Variants in SP100 observed in about 807,000 individuals in gnomAD.
The protein encoded by SP100 is SP100 nuclear body protein, also known as nuclear autoantigen Sp-100.
SP100 carries 84 observed loss-of-function variants against 130.0 expected under a neutral mutation model. That is an observed-to-expected ratio of 0.65 (90% confidence interval 0.54 to 0.77). SP100 has a LOEUF of 0.77. SP100 is among the 30% of genes least tolerant of loss of function. SP100 has a pLI of 0.00. For synonymous variants in SP100, 331 were observed against 351.7 expected (o/e 0.94, Z 0.66); for missense variants, 978 against 1,052.2 (o/e 0.93, Z 0.97).
chr2:230,460,230 T>C (rs554120745), intron 8 of SP100, among the ~76,000 whole-genome samples: 27 of 152,262 alleles, frequency 1.8e-4, no homozygotes, highest in African/African-American at 6.0e-4. Flanking sequence ...AGAAGCCAAA[T>C]GCTTGAAATT....
At chr2:230,425,898 G>A (rs141343406) in intron 2 of SP100, among the ~76,000 whole-genome samples, 1,701 of 151,750 alleles carry the variant, frequency 0.011, 27 homozygotes, top group African/African-American at 0.038. Flanking sequence ...TTTCTTTAAT[G>A]GAAAGTTGTT....
In SP100 at chr2:230,536,740, C is replaced by T. The variant is rs183001788; in HGVS notation, c.2095-2527C>T. ...CTCTCATCCCCTTGGCTGCAGCACCCGACTAAAGCCTTCTTGCTTGGCAAT... is the reference window on the plus strand; with the variant it reads ...CTCTCATCCCCTTGGCTGCAGCACCTGACTAAAGCCTTCTTGCTTGGCAAT... On this transcript the variant is annotated intron_variant, in intron 24 of 28. Coordinates refer to ENST00000340126, the MANE Select transcript of SP100 (RefSeq NM_001080391.2). Among the ~76,000 whole-genome samples, 213 of 98,750 alleles carry T rather than the reference C, an allele frequency of 2.2e-3. 2 individuals carry two copies. The highest frequency in any genetic ancestry group is 4.3e-3 in the African/African-American group (146 of 34,162). The allele number at this position is 98,750 out of a possible 152,430, so 64.8% of individuals were successfully genotyped here. A position where few individuals can be genotyped will look rare whatever the true frequency, so the allele number is the denominator to read the frequency against.
intron 2 of SP100, among the ~76,000 whole-genome samples, chr2:230,431,937 A>T (rs902062414): frequency 7.2e-5 from 11 of 152,278 alleles, no homozygotes; most frequent in African/African-American, 2.4e-4. Flanking sequence ...TGTGTATCTC[A>T]ATGATTTTTA....
At chr2:230,466,184 CAAA>C (rs57983447) in intron 11 of SP100, 114 bp from the exon 12 acceptor site, 297 of 257,878 alleles carry the variant, frequency 1.2e-3, no homozygotes, top group Middle Eastern at 2.4e-3. Flanking sequence ...GACTCCATCT[CAAA>C]AAAAAAAAAA....
At chr2:230,523,570 A>AT (rs1691276088) in intron 24 of SP100, among the ~76,000 whole-genome samples, 1 of 152,330 alleles carries the variant, frequency 6.6e-6, no homozygotes, top group African/African-American at 2.4e-5. Context: ...TTTCAAGTTC[A>AT]TATGACTTAA....
intron 4 of SP100, among the ~76,000 whole-genome samples, chr2:230,445,255 G>A (rs56007282): frequency 0.16 from 24,656 of 152,016 alleles, 2,107 homozygotes; most frequent in Non-Finnish European, 0.19. Context: ...TTCCCACACA[G>A]TTTAATCTCA....
intron 23 of SP100, chr2:230,509,740 T>C (rs1374760444): frequency 6.6e-6 from 1 of 152,210 alleles, no homozygotes; most frequent in African/African-American, 2.4e-5. Flanking sequence ...ATAAGTTTTT[T>C]GTTAAACCTG....
At chr2:230,522,740 G>A (rs546097274) in intron 24 of SP100, among the ~76,000 whole-genome samples, 4 of 151,456 alleles carry the variant, frequency 2.6e-5, no homozygotes, top group Admixed American at 1.3e-4. Flanking sequence ...TGCCTGCCTC[G>A]GCCTCCCAAA....
chr2:230,470,824 C>T (rs1046867984), intron 15 of SP100, among the ~76,000 whole-genome samples: 2 of 152,024 alleles, frequency 1.3e-5, no homozygotes, highest in African/African-American at 2.4e-5. Flanking sequence ...AAAGAAGATG[C>T]GCAAGGAACT....
Position 230,467,086 on chromosome 2 carries a change from G to A in SP100, c.1196-34G>A, listed in dbSNP as rs778404015. On this transcript the variant is annotated intron_variant, in intron 12 of 28. Coordinates refer to ENST00000340126, the MANE Select transcript of SP100 (RefSeq NM_001080391.2). ...TGACTTGGTTCCCTTATCATACATT[G>A]AGAGCTCCAAAGGACATTTGCTCCT... The A allele has an allele frequency of 6.3e-6, 9 of 1,429,994 alleles. No homozygotes were observed. In the South Asian group the frequency reaches 6.9e-5, roughly 11 times the overall value. The allele number at this position is 1,429,994 out of a possible 1,614,324, so 88.6% of individuals were successfully genotyped here.
intron 2 of SP100, among the ~76,000 whole-genome samples, chr2:230,431,121 T>C (rs1226552876): frequency 6.6e-6 from 1 of 152,192 alleles, no homozygotes; most frequent in East Asian, 1.9e-4. Flanking sequence ...CTGGCTGAGC[T>C]CTCTGATAGG....
intron 21 of SP100, among the ~76,000 whole-genome samples, chr2:230,505,410 A>G (rs1690009259): frequency 6.6e-6 from 1 of 152,186 alleles, no homozygotes; most frequent in Admixed American, 6.5e-5. Flanking sequence ...GCTAAATGGT[A>G]AGATCACAGG....
chr2:230,449,190 T>C, intron 6 of SP100, 40 bp downstream of exon 6: 1 of 1,609,742 alleles, frequency 6.2e-7, no homozygotes, highest in African/African-American at 1.3e-5. Context: ...TCTGCTATTC[T>C]TGCCCCTTTC....
chr2:230,514,350 A>G (rs1023740128), intron 24 of SP100, among the ~76,000 whole-genome samples: 2 of 145,442 alleles, frequency 1.4e-5, no homozygotes, highest in African/African-American at 2.7e-5. Flanking sequence ...GAATTTGTGT[A>G]CAAGAATGGG....
intron 5 of SP100, 105 bp downstream of exon 5, chr2:230,447,007 G>A: frequency 1.5e-6 from 1 of 674,730 alleles, no homozygotes; most frequent in East Asian, 2.9e-5. Context: ...CTATGGAGAA[G>A]TCAAGGAGAG....
At chr2:230,450,054 G>A (rs2063897802) in intron 7 of SP100, 118 bp from the exon 8 acceptor site, 4 of 711,490 alleles carry the variant, frequency 5.6e-6, no homozygotes, top group Non-Finnish European at 9.8e-6. Context: ...AATATATGCA[G>A]ACAGGGGTAT....
At chr2:230,450,113 T>A in intron 7 of SP100, 59 bp from the exon 8 acceptor site, 1 of 1,262,608 alleles carries the variant, frequency 7.9e-7, no homozygotes, top group South Asian at 1.2e-5. Context: ...TCTAACCAAA[T>A]GGAAACAGGA....
chr2:230,421,442 A>T (rs879737827), intron 2 of SP100, among the ~76,000 whole-genome samples: 1 of 151,464 alleles, frequency 6.6e-6, no homozygotes, highest in East Asian at 1.9e-4. Context: ...TTGCTTTACT[A>T]TCTCATTTTG....
chr2:230,462,286 G>T, intron 9 of SP100, 149 bp from the exon 10 acceptor site: 1 of 578,652 alleles, frequency 1.7e-6, no homozygotes, highest in Non-Finnish European at 3.1e-6. Context: ...GGAACAAACT[G>T]CAGGTGGCAT....
Sources: gnomAD v4.1 joint callset for allele counts (sites outside exome capture counted in the v4.1 genomes callset) on GRCh38, gnomAD v4.1.1 for gene constraint, MANE v1.5 for transcripts, NCBI Gene and HGNC (gene_info 2026-07-23, HGNC 2026-07-21) for gene names.